RBFOX2: variants seen among roughly 807,000 people sequenced by gnomAD.
The protein encoded by RBFOX2 is RNA binding protein fox-1 homolog 2.
RBFOX2 carries 10 observed loss-of-function variants against 49.1 expected under a neutral mutation model. That is an observed-to-expected ratio of 0.20 (90% confidence interval 0.13 to 0.35). RBFOX2 has a LOEUF of 0.35. Ranked by LOEUF, RBFOX2 falls within the 10% of genes least tolerant of loss-of-function variation. The pLI, the probability that RBFOX2 is intolerant of heterozygous loss-of-function variation, is 1.00. For synonymous variants in RBFOX2, 183 were observed against 187.4 expected (o/e 0.98, Z 0.19); for missense variants, 323 against 486.9 (o/e 0.66, Z 3.17).
Position 35,809,769 on chromosome 22 carries a change from G to C in RBFOX2, c.252+11C>G, listed in dbSNP as rs1178911796. ...TGCATCCTTCCATTTTTCACCTCAT[G>C]GTCCACGTACCGTAAGAGATCCATT... On this transcript the variant is annotated intron_variant, in intron 2 of 11. Coordinates refer to ENST00000405409, the Ensembl canonical transcript of RBFOX2. 2 of 1,611,628 alleles carry C rather than the reference G, an allele frequency of 1.2e-6. No individual in the cohort carries two copies. Among genetic ancestry groups the C allele is most frequent in the Non-Finnish European group, 1.7e-6 (2 of 1,178,768 alleles).
intron 1 of RBFOX2, among the ~76,000 whole-genome samples, chr22:36,001,815 G>A (rs1163719694): frequency 6.6e-6 from 1 of 152,024 alleles, no homozygotes. Context: ...TGTAATCCCA[G>A]CACTTTGAGA....
At chr22:35,784,851 G>A (rs1440185149) in intron 2 of RBFOX2, among the ~76,000 whole-genome samples, 3 of 152,224 alleles carry the variant, frequency 2.0e-5, no homozygotes, top group Non-Finnish European at 2.9e-5. Flanking sequence ...CTGCGTTGCC[G>A]GCCGCTGCGG....
intron 1 of RBFOX2, among the ~76,000 whole-genome samples, chr22:35,924,287 T>A (rs1274107203): frequency 6.6e-6 from 1 of 152,204 alleles, no homozygotes; most frequent in Non-Finnish European, 1.5e-5. Context: ...GCTAAAAGTA[T>A]CTTTATCTTA....
In RBFOX2 at chr22:36,028,306, G is replaced by C. The variant is rs375404450; in HGVS notation, c.120C>G (p.Ala40=). 2 of 1,525,652 alleles carry C rather than the reference G, an allele frequency of 1.3e-6. No homozygotes were observed. The highest frequency in any genetic ancestry group is 8.7e-7 in the Non-Finnish European group (1 of 1,145,702). 94.5% of individuals were successfully genotyped at this position (1,525,652 alleles called of 1,614,324 possible). A position where few individuals can be genotyped will look rare whatever the true frequency, so the allele number is the denominator to read the frequency against. The change falls in exon 1 of 14, where the codon GCC becomes GCG. Residue 40 remains alanine, a synonymous_variant. Coordinates refer to the RBFOX2 transcript ENST00000438146. ...GCGGCCGCTTGCTCAGGCCGGGATCGGCTCCGTCTCCTCCCGCTCCGGGCA... is the reference window on the plus strand; with the variant it reads ...GCGGCCGCTTGCTCAGGCCGGGATCCGCTCCGTCTCCTCCCGCTCCGGGCA...
At chr22:35,809,802 C>G (rs1225312534) in exon 2 of RBFOX2, 4 of 1,613,766 alleles carry the variant, frequency 2.5e-6, no homozygotes, top group Non-Finnish European at 3.4e-6. Context: ...ATTTTGTGTG[C>G]TGGGTGAGTT....
At chr22:35,871,229 A>G (rs1236044707) in intron 1 of RBFOX2, among the ~76,000 whole-genome samples, 1 of 152,224 alleles carries the variant, frequency 6.6e-6, no homozygotes. Flanking sequence ...GCTCTAAAAT[A>G]TTATATAATC....
intron 3 of RBFOX2, among the ~76,000 whole-genome samples, chr22:35,779,588 GTTTGT>G (rs1426773794): frequency 1.3e-5 from 2 of 149,860 alleles, no homozygotes; most frequent in African/African-American, 4.8e-5. Context: ...GTGCTTTGGA[GTTTGT>G]TTTGTTTTAT....
upstream of RBFOX2, chr22:35,938,947 T>C (rs1429202905): frequency 2.0e-6 from 3 of 1,518,736 alleles, no homozygotes; most frequent in Non-Finnish European, 2.7e-6. Flanking sequence ...AAGAAAATGT[T>C]AGGCATAATC....
At chr22:35,858,188 T>C (rs913141526) in intron 1 of RBFOX2, among the ~76,000 whole-genome samples, 1 of 152,210 alleles carries the variant, frequency 6.6e-6, no homozygotes, top group Non-Finnish European at 1.5e-5. Context: ...TTGGGATACT[T>C]GATTTCCAAG....
In RBFOX2 at chr22:35,833,214, T is replaced by C. The variant is rs1957102801; in HGVS notation, c.27+6978A>G. On this transcript the variant is annotated intron_variant, in intron 1 of 11. Coordinates refer to ENST00000405409, the Ensembl canonical transcript of RBFOX2. ...TGGAAACCGTATGTTTTCATATCTATGAGGAGTAATTCAAGGAAGTAGGAA... is the reference window on the plus strand; with the variant it reads ...TGGAAACCGTATGTTTTCATATCTACGAGGAGTAATTCAAGGAAGTAGGAA... 3.9e-5 allele frequency among the ~76,000 whole-genome samples: 6 copies of C among 152,116 alleles called. No homozygotes were observed. In the South Asian group the frequency reaches 1.2e-3, roughly 32 times the overall value.
At chr22:35,794,638 A>G (rs1270497902) in intron 2 of RBFOX2, among the ~76,000 whole-genome samples, 1 of 152,058 alleles carries the variant, frequency 6.6e-6, no homozygotes, top group Non-Finnish European at 1.5e-5. Flanking sequence ...AGCCTGGGTA[A>G]CAGAGTAAGA....
At chr22:35,796,839 C>A (rs990222080) in intron 2 of RBFOX2, among the ~76,000 whole-genome samples, 3 of 152,106 alleles carry the variant, frequency 2.0e-5, no homozygotes, top group African/African-American at 7.2e-5. Context: ...TCTTTAAGTA[C>A]TGAGAAACTG....
chr22:35,944,086 G>C (rs2054002207), intron 1 of RBFOX2, among the ~76,000 whole-genome samples: 1 of 152,210 alleles, frequency 6.6e-6, no homozygotes, highest in Non-Finnish European at 1.5e-5. Flanking sequence ...CAGTAAGAGT[G>C]GATTGAACAA....
intron 2 of RBFOX2, among the ~76,000 whole-genome samples, chr22:35,802,996 A>G (rs1251987172): frequency 6.6e-6 from 1 of 152,158 alleles, no homozygotes; most frequent in East Asian, 1.9e-4. Flanking sequence ...CACTAGTCAC[A>G]GGCTAACCAT....
At chr22:35,805,150 C>T (rs1165102343) in intron 2 of RBFOX2, among the ~76,000 whole-genome samples, 3 of 151,892 alleles carry the variant, frequency 2.0e-5, no homozygotes, top group East Asian at 3.9e-4. Context: ...ATTAGCCGGG[C>T]GTGGTGGCGG....
At chr22:35,865,883 A>G (rs1360024097) in intron 1 of RBFOX2, among the ~76,000 whole-genome samples, 1 of 152,230 alleles carries the variant, frequency 6.6e-6, no homozygotes, top group East Asian at 1.9e-4. Context: ...AAAGGCAGCT[A>G]TGCCATGAAT....
intron 1 of RBFOX2, among the ~76,000 whole-genome samples, chr22:35,936,503 TACA>T (rs1321304900): frequency 3.9e-5 from 6 of 152,138 alleles, no homozygotes; most frequent in Admixed American, 2.0e-4. Context: ...ATTCATCAAA[TACA>T]ACAAGCAGCT....
intron 4 of RBFOX2, among the ~76,000 whole-genome samples, chr22:35,773,581 T>C (rs948499016): frequency 2.0e-5 from 3 of 151,898 alleles, no homozygotes; most frequent in South Asian, 2.1e-4. Flanking sequence ...AGAAAAAAAA[T>C]TGCTAGAAAT....
intron 1 of RBFOX2, among the ~76,000 whole-genome samples, chr22:36,022,022 A>C (rs1232087279): frequency 6.6e-6 from 1 of 152,182 alleles, no homozygotes; most frequent in Non-Finnish European, 1.5e-5. Context: ...ATTTCCTTCC[A>C]ATCATGTCTG....
Sources: gnomAD v4.1 joint callset for allele counts (sites outside exome capture counted in the v4.1 genomes callset) on GRCh38, gnomAD v4.1.1 for gene constraint, MANE v1.5 for transcripts, NCBI Gene and HGNC (gene_info 2026-07-23, HGNC 2026-07-21) for gene names.